DLC1: variants seen among roughly 807,000 people sequenced by gnomAD.
DLC1 encodes the protein DLC1 Rho GTPase activating protein, also known as rho GTPase-activating protein 7.
Under a neutral mutation model 140.3 loss-of-function variants are expected in DLC1, and 54 were observed. The observed-to-expected ratio is 0.38, with a 90% CI of 0.31 to 0.48. DLC1 has a LOEUF of 0.48. DLC1 is among the 20% of genes least tolerant of loss of function. DLC1 has a pLI of 0.96. For synonymous variants in DLC1, 986 were observed against 728.1 expected, an observed-to-expected ratio of 1.35 and a Z score of -5.70; for missense variants, 2,536 against 1,907.0, an observed-to-expected ratio of 1.33 and a Z score of -6.14.
At chr8:13,124,967 T>G (rs796672202) in intron 5 of DLC1, among the ~76,000 whole-genome samples, 5 of 152,156 alleles carry the variant, frequency 3.3e-5, no homozygotes, top group African/African-American at 1.2e-4. Context: ...CATTTCCAAT[T>G]TGCCTTTCTT....
At chr8:13,176,723 C>T (rs147119235) in intron 5 of DLC1, among the ~76,000 whole-genome samples, 94 of 152,268 alleles carry the variant, frequency 6.2e-4, no homozygotes, top group Middle Eastern at 3.4e-3. Context: ...TTATGTTACA[C>T]GGCAATGAAG....
intron 5 of DLC1, among the ~76,000 whole-genome samples, chr8:13,165,379 C>T (rs775802812): frequency 6.6e-6 from 1 of 152,192 alleles, no homozygotes; most frequent in African/African-American, 2.4e-5. Flanking sequence ...TTTCGCGTGA[C>T]ACACGGAAAG....
At chr8:13,545,504 C>T (rs888277541) in intron 1 of DLC1, among the ~76,000 whole-genome samples, 1 of 151,976 alleles carries the variant, frequency 6.6e-6, no homozygotes, top group African/African-American at 2.4e-5. Context: ...CAAATTGGAT[C>T]ATGATGCATT....
chr8:13,221,377 T>G (rs975199891), intron 5 of DLC1, among the ~76,000 whole-genome samples: 1 of 151,634 alleles, frequency 6.6e-6, no homozygotes, highest in Non-Finnish European at 1.5e-5. Context: ...TTCTTTTTTT[T>G]TTTTTTGTTT....
chr8:13,503,584 A>C (rs942425711), intron 1 of DLC1, among the ~76,000 whole-genome samples: 1 of 152,204 alleles, frequency 6.6e-6, no homozygotes, highest in Non-Finnish European at 1.5e-5. Flanking sequence ...GCTTGATAAT[A>C]ATTACTACTG....
At chr8:13,427,780 A>G (rs974170936) in intron 2 of DLC1, among the ~76,000 whole-genome samples, 7 of 152,124 alleles carry the variant, frequency 4.6e-5, no homozygotes, top group African/African-American at 1.7e-4. Context: ...TGAATCTTAA[A>G]CCTTTACATT....
At chr8:13,447,866 A>C (rs1370092732) in intron 2 of DLC1, among the ~76,000 whole-genome samples, 1 of 152,114 alleles carries the variant, frequency 6.6e-6, no homozygotes, top group Non-Finnish European at 1.5e-5. Context: ...AACTGTTCTC[A>C]AACATAAAAA....
At chr8:13,321,266 G>A (rs1409082325) in intron 4 of DLC1, among the ~76,000 whole-genome samples, 2 of 152,090 alleles carry the variant, frequency 1.3e-5, no homozygotes, top group Admixed American at 6.5e-5. Flanking sequence ...CTGGCCCGGC[G>A]CAATGGCTCA....
chr8:13,442,980 T>A (rs867620296), intron 2 of DLC1, among the ~76,000 whole-genome samples: 18 of 152,038 alleles, frequency 1.2e-4, no homozygotes, highest in Middle Eastern at 3.4e-3. Context: ...ATAGACTGGA[T>A]TAAGAAAATG....
intron 4 of DLC1, among the ~76,000 whole-genome samples, chr8:13,308,653 T>C (rs1371341316): frequency 6.6e-6 from 1 of 152,214 alleles, no homozygotes; most frequent in African/African-American, 2.4e-5. Context: ...GTTTTCTTCT[T>C]TGTGGAATTC....
At position 13,499,289 on chromosome 8, in the gene DLC1, A is replaced by G. The variant is rs766498857; in HGVS notation, c.783T>C (p.Pro261=). The G allele has an allele frequency of 2.5e-6, 4 of 1,614,120 alleles. No homozygotes were observed. Among genetic ancestry groups the G allele is most frequent in the Non-Finnish European group, 1.7e-6 (2 of 1,180,006 alleles). Residue 261 remains proline (P), a synonymous_variant, in exon 2 of 18, where the codon CCT becomes CCC. Coordinates refer to ENST00000276297, the MANE Select transcript of DLC1 (RefSeq NM_182643.3). ...ATAATGGCAGTCCTCTGTTTGTGCAAGGAGTATCCAAGAACTCATTTTGTA... is the reference window on the plus strand; with the variant it reads ...ATAATGGCAGTCCTCTGTTTGTGCAGGGAGTATCCAAGAACTCATTTTGTA... The part of the protein sequence containing the change: ...NVVQNEFLDT[P]CTNRGLPLLK...
intron 1 of DLC1, chr8:13,567,908 C>A: frequency 6.4e-7 from 1 of 1,551,860 alleles, no homozygotes; most frequent in Non-Finnish European, 8.7e-7. Context: ...AAGCGACTTA[C>A]TCTAATCAAA....
At chr8:13,210,502 T>C (rs892231414) in intron 5 of DLC1, among the ~76,000 whole-genome samples, 1 of 152,166 alleles carries the variant, frequency 6.6e-6, no homozygotes, top group Non-Finnish European at 1.5e-5. Context: ...AGGTGTAAAA[T>C]TGCATCATAA....
At chr8:13,223,001 C>T (rs1041473522) in intron 5 of DLC1, among the ~76,000 whole-genome samples, 1 of 152,188 alleles carries the variant, frequency 6.6e-6, no homozygotes, top group Non-Finnish European at 1.5e-5. Context: ...GATCCTCCCA[C>T]CTCAGCCTCC....
intron 4 of DLC1, among the ~76,000 whole-genome samples, chr8:13,344,523 A>T (rs532944127): frequency 2.6e-5 from 4 of 152,198 alleles, no homozygotes; most frequent in Non-Finnish European, 5.9e-5. Flanking sequence ...AAATACTTTC[A>T]ATCTACAGGG....
intron 3 of DLC1, among the ~76,000 whole-genome samples, chr8:13,397,901 G>A (rs1043624223): frequency 2.0e-5 from 3 of 152,094 alleles, no homozygotes; most frequent in Non-Finnish European, 2.9e-5. Flanking sequence ...TGGAGGCCGA[G>A]GTGAGCAGAT....
chr8:13,316,354 T>TATAC (rs1223526137), intron 4 of DLC1, among the ~76,000 whole-genome samples: 16 of 152,220 alleles, frequency 1.1e-4, no homozygotes, highest in Admixed American at 2.0e-4. Flanking sequence ...AGGTGAGTTT[T>TATAC]ATACAATACA....
chr8:13,336,399 A>G (rs982558705), intron 4 of DLC1, among the ~76,000 whole-genome samples: 2 of 152,232 alleles, frequency 1.3e-5, no homozygotes, highest in Non-Finnish European at 2.9e-5. Flanking sequence ...CAGACTACGA[A>G]AAGTCACAAT....
chr8:13,351,846 C>T (rs1729131), intron 4 of DLC1, among the ~76,000 whole-genome samples: 151,630 of 152,350 alleles, frequency 1, 75,460 homozygotes, highest in Middle Eastern at 1. Context: ...GTTTCTATCA[C>T]AACAATTTGA....
Sources: gnomAD v4.1 joint callset for allele counts (sites outside exome capture counted in the v4.1 genomes callset) on GRCh38, gnomAD v4.1.1 for gene constraint, MANE v1.5 for transcripts, NCBI Gene and HGNC (gene_info 2026-07-23, HGNC 2026-07-21) for gene names.